The following PPFIA1 variants were observed in gnomAD, a reference collection of about 807,000 sequenced individuals.
The protein encoded by PPFIA1 is liprin-alpha-1.
A neutral mutation model predicts 149.9 loss-of-function variants in PPFIA1; 25 were observed. That is an observed-to-expected ratio of 0.17 (90% CI 0.12 to 0.23). The LOEUF (loss-of-function observed/expected upper bound fraction) is 0.23, where lower values mean the gene tolerates loss of function less well. PPFIA1 is among the 10% of genes least tolerant of loss of function. The probability of loss-of-function intolerance (pLI) is 1.00; values close to 1 mark genes in which losing one functional copy is unlikely to be tolerated. For missense variants in PPFIA1, 1,362 were observed against 1,506.5 expected (o/e 0.90, Z 1.59); for synonymous variants, 549 against 552.8 (o/e 0.99, Z 0.10).
In PPFIA1 at chr11:70,355,672, C is replaced by A. The variant is rs2056325090; in HGVS notation, c.2349C>A (p.Asn783Lys). ...STGSQDGPVS[N>K]PSSSNSSQDS... ...GCTCCCAGGATGGTCCCGTGAGCAA[C>A]CCCAGCAGTAGCAACAGTAGCCAGG... Residue 783 changes from asparagine to lysine, a missense_variant, in exon 18 of 28, where the codon AAC becomes AAA. Asn to Lys is a moderately conservative substitution (Grantham distance 94). This residue lies in a region of PPFIA1 where 733 missense variants were observed against 744.1 expected (regional missense o/e 0.99). Transcript: ENST00000253925. 1 of 1,613,300 alleles carries A rather than the reference C, an allele frequency of 6.2e-7. No individual in the cohort carries two copies. Among genetic ancestry groups the A allele is most frequent in the Non-Finnish European group, 8.5e-7 (1 of 1,179,764 alleles).
intron 26 of PPFIA1, among the ~76,000 whole-genome samples, chr11:70,379,203 G>T (rs1053071953): frequency 5.3e-5 from 8 of 152,226 alleles, no homozygotes; most frequent in Admixed American, 4.6e-4. Context: ...CAGACTGGAG[G>T]AAAGGAAGTG....
intron 2 of PPFIA1, among the ~76,000 whole-genome samples, chr11:70,310,958 A>T (rs1280111641): frequency 1.3e-5 from 2 of 152,116 alleles, no homozygotes; most frequent in Non-Finnish European, 2.9e-5. Flanking sequence ...CACCCTTGGG[A>T]GCAGTTTGTG....
chr11:70,354,328 G>A lies in PPFIA1; in HGVS notation c.2191G>A (p.Asp731Asn). The A allele has an allele frequency of 6.2e-7, 1 of 1,613,972 alleles. No homozygotes were observed. Among genetic ancestry groups the A allele is most frequent in the South Asian group, 1.1e-5 (1 of 91,026 alleles). The change falls in exon 17 of 28, where the codon GAT becomes AAT. Residue 731 changes from aspartate to asparagine, a missense_variant. By Grantham distance (23) the Asp-to-Asn change is conservative. Coordinates refer to ENST00000253925, the MANE Select transcript of PPFIA1 (RefSeq NM_003626.5). ...LLPPSREEVR[D>N]DKTTIKCETS... Reference sequence around the variant, plus strand: ...GCCACCTTCCAGAGAAGAGGTACGAGATGACAAGACAACCATAAAGTGTGA... The same window carrying A: ...GCCACCTTCCAGAGAAGAGGTACGAAATGACAAGACAACCATAAAGTGTGA...
intron 11 of PPFIA1, among the ~76,000 whole-genome samples, chr11:70,335,960 G>C (rs2054950030): frequency 6.6e-6 from 1 of 152,088 alleles, no homozygotes. Flanking sequence ...TTTTATAAAG[G>C]GCCAGATTGT....
intron 15 of PPFIA1, among the ~76,000 whole-genome samples, chr11:70,344,703 G>C (rs1311520377): frequency 6.6e-6 from 1 of 152,238 alleles, no homozygotes; most frequent in Non-Finnish European, 1.5e-5. Flanking sequence ...GTTTGGGCCA[G>C]GCCCCATTAC....
chr11:70,272,560 G>T, intron 2 of PPFIA1, 124 bp downstream of exon 2: 1 of 1,200,760 alleles, frequency 8.3e-7, no homozygotes. Context: ...GATAGTTTCT[G>T]GTGTTTGTAA....
chr11:70,330,001 C>T (rs906650986), intron 7 of PPFIA1, 172 bp from the exon 8 acceptor site: 35 of 552,060 alleles, frequency 6.3e-5, no homozygotes, highest in African/African-American at 5.6e-4. Flanking sequence ...CCCGCCTTAG[C>T]CTCCCAAAGT....
In PPFIA1 at chr11:70,279,373, A is replaced by G. The variant is rs10160216; in HGVS notation, c.264+6937A>G. On this transcript the variant is annotated intron_variant, in intron 2 of 27. Coordinates refer to ENST00000253925, the MANE Select transcript of PPFIA1 (RefSeq NM_003626.5). The stretch of plus-strand genomic sequence containing the variant: ...GACACACAGCAAGATCTCACCATCT[A>G]CTCATTCCTCACACCAGGATTTGAA... The G allele has an allele frequency of 2.1e-5, 4 of 187,394 alleles. No homozygotes were observed. The East Asian group carries it at 5.2e-4, about 24-fold the overall frequency. The allele number at this position is 187,394 out of a possible 1,614,324, so 11.6% of individuals were successfully genotyped here.
intron 26 of PPFIA1, among the ~76,000 whole-genome samples, chr11:70,379,612 A>T (rs2057625130): frequency 7.2e-6 from 1 of 139,148 alleles, no homozygotes; most frequent in Admixed American, 6.9e-5. Context: ...CCCCATCTCT[A>T]AAAAAAAAAA....
At chr11:70,377,685 AAAAT>A (rs2057542690) in intron 25 of PPFIA1, among the ~76,000 whole-genome samples, 1 of 152,212 alleles carries the variant, frequency 6.6e-6, no homozygotes, top group Admixed American at 6.5e-5. Context: ...ATAAAAATGA[AAAAT>A]AAACTATTTT....
In PPFIA1 at chr11:70,279,383, C is replaced by T. The variant is rs1363001740; in HGVS notation, c.264+6947C>T. The T allele has an allele frequency of 3.3e-5, 6 of 182,758 alleles. No individual in the cohort carries two copies. In the East Asian group the frequency reaches 8.1e-4, roughly 25 times the overall value. 11.3% of individuals were successfully genotyped at this position (182,758 alleles called of 1,614,324 possible). A position where few individuals can be genotyped will look rare whatever the true frequency, so the allele number is the denominator to read the frequency against. ...AAGATCTCACCATCTACTCATTCCT[C>T]ACACCAGGATTTGAAGCTGCCTCTG... On this transcript the variant is annotated intron_variant, in intron 2 of 27. Coordinates refer to ENST00000253925, the MANE Select transcript of PPFIA1 (RefSeq NM_003626.5).
intron 2 of PPFIA1, among the ~76,000 whole-genome samples, chr11:70,279,868 C>T (rs977178712): frequency 4.1e-5 from 5 of 121,854 alleles, no homozygotes; most frequent in East Asian, 2.1e-4. Flanking sequence ...GGACTACAGG[C>T]GTGAGCCACC....
At chr11:70,291,292 A>C (rs760166463) in intron 2 of PPFIA1, among the ~76,000 whole-genome samples, 6 of 152,240 alleles carry the variant, frequency 3.9e-5, no homozygotes, top group Non-Finnish European at 7.3e-5. Context: ...ATGGTATCCT[A>C]CATACCCTTA....
intron 2 of PPFIA1, among the ~76,000 whole-genome samples, chr11:70,275,477 C>G (rs2050328669): frequency 6.6e-6 from 1 of 152,176 alleles, no homozygotes; most frequent in Non-Finnish European, 1.5e-5. Context: ...GTTTAATGCT[C>G]TTTGTGTCCT....
chr11:70,326,331 G>T lies in PPFIA1; in HGVS notation c.676G>T (p.Glu226Ter). The T allele has an allele frequency of 6.2e-7, 1 of 1,608,146 alleles. No homozygotes were observed. Among genetic ancestry groups the T allele is most frequent in the South Asian group, 1.1e-5 (1 of 90,494 alleles). Residue 226 changes from glutamate (E) to a stop codon, truncating the protein, a stop_gained, in exon 6 of 28, where the codon GAA becomes TAA. Coordinates refer to ENST00000253925, the MANE Select transcript of PPFIA1 (RefSeq NM_003626.5). LOFTEE classifies it high-confidence loss of function. ...AGATGGAGTGCTGGACATAAACCAT[G>T]AACAAGAAAATACACCAAGCACGAG... ...LTDGVLDINH[E>*]QENTPSTSGK... is the part of the protein sequence containing the mutation.
At chr11:70,282,772 TC>T (rs991317177) in intron 2 of PPFIA1, among the ~76,000 whole-genome samples, 1 of 150,672 alleles carries the variant, frequency 6.6e-6, no homozygotes, top group Non-Finnish European at 1.5e-5. Flanking sequence ...GACCTCATGA[TC>T]CACTGCATGC....
At chr11:70,277,052 A>ATTATAATATATG (rs2050432989) in intron 2 of PPFIA1, among the ~76,000 whole-genome samples, 5 of 29,004 alleles carry the variant, frequency 1.7e-4, no homozygotes, top group African/African-American at 7.8e-4. Context: ...ATATATATAT[A>ATTATAATATATG]TATATATATT....
In PPFIA1 at chr11:70,354,347, A is replaced by G. The variant is rs888913628; in HGVS notation, c.2210A>G (p.Lys737Arg). The G allele has an allele frequency of 6.2e-7, 1 of 1,613,988 alleles. No individual in the cohort carries two copies. The highest frequency in any genetic ancestry group is 8.5e-7 in the Non-Finnish European group (1 of 1,180,018). The change falls in exon 17 of 28, where the codon AAG becomes AGG. Residue 737 changes from lysine to arginine, a missense_variant. By Grantham distance (26) the Lys-to-Arg change is conservative. This residue lies in a region of PPFIA1 where 733 missense variants were observed against 744.1 expected (regional missense o/e 0.99). Transcript: ENST00000253925. ...EEVRDDKTTI[K>R]CETSPPSSPR... The stretch of plus-strand genomic sequence containing the variant: ...GTACGAGATGACAAGACAACCATAA[A>G]GTGTGAAACCTCCCCGCCTTCCTCC...
At chr11:70,285,069 T>C (rs1320003112) in intron 2 of PPFIA1, among the ~76,000 whole-genome samples, 1 of 152,122 alleles carries the variant, frequency 6.6e-6, no homozygotes, top group Non-Finnish European at 1.5e-5. Context: ...TGCACTGGCA[T>C]GATCTCGGCT....
Sources: allele counts gnomAD v4.1 joint callset (sites outside exome capture counted in the v4.1 genomes callset), GRCh38; gene constraint gnomAD v4.1.1; regional missense constraint gnomAD v4.1.1; transcripts MANE v1.5; gene names NCBI Gene and HGNC (gene_info 2026-07-23, HGNC 2026-07-21).